AGK: variants seen among roughly 807,000 people sequenced by gnomAD.
AGK encodes the protein acylglycerol kinase, also known as acylglycerol kinase, mitochondrial.
Under a neutral mutation model 66.4 loss-of-function variants are expected in AGK, and 52 were observed. The ratio of observed to expected loss-of-function variants is 0.78; its 90% CI spans 0.63 to 0.99. AGK has a LOEUF of 0.99. Ranked by LOEUF, AGK falls within the 50% of genes least tolerant of loss-of-function variation. AGK has a pLI of 0.00. For synonymous variants in AGK, 182 were observed against 181.1 expected, an observed-to-expected ratio of 1.00 and a Z score of -0.04; for missense variants, 451 against 506.6, an observed-to-expected ratio of 0.89 and a Z score of 1.05.
chr7:141,560,253 CT>C (rs1165357576), intron 2 of AGK, among the ~76,000 whole-genome samples: 1 of 151,124 alleles, frequency 6.6e-6, no homozygotes, highest in Non-Finnish European at 1.5e-5. Flanking sequence ...GATACTTTTC[CT>C]TTTGTTGCCC....
At chr7:141,570,149 A>G (rs1051316691) in intron 2 of AGK, among the ~76,000 whole-genome samples, 4 of 152,134 alleles carry the variant, frequency 2.6e-5, no homozygotes, top group African/African-American at 9.7e-5. Flanking sequence ...ACACTTTGGG[A>G]GGCTGAGGCA....
intron 2 of AGK, among the ~76,000 whole-genome samples, chr7:141,558,422 C>G (rs560941315): frequency 3.0e-4 from 46 of 151,998 alleles, no homozygotes; most frequent in African/African-American, 1.0e-3. Context: ...GCCTTGGCCT[C>G]TGAAAGTGCT....
chr7:141,655,178 A>T lies in AGK; in HGVS notation c.*2254A>T, dbSNP rs1797666911. 6.6e-6 allele frequency: 1 copy of T among 152,270 alleles called. No individual in the cohort carries two copies. Among genetic ancestry groups the T allele is most frequent in the South Asian group, 2.1e-4 (1 of 4,836 alleles). The allele number at this position is 152,270 out of a possible 1,614,324, so 9.4% of individuals were successfully genotyped here. Reference sequence around the variant, plus strand: ...TCTAATCATAATGGTACATATAATTAGGGAAGGATATGGAAGCCACTTTAG... The same window carrying T: ...TCTAATCATAATGGTACATATAATTTGGGAAGGATATGGAAGCCACTTTAG... On this transcript the variant is annotated 3_prime_UTR_variant, in exon 16 of 16. Transcript: ENST00000649286.
At chr7:141,567,098 T>A (rs1406294314) in intron 2 of AGK, among the ~76,000 whole-genome samples, 1 of 152,172 alleles carries the variant, frequency 6.6e-6, no homozygotes, top group African/African-American at 2.4e-5. Flanking sequence ...CTTTTAGGTA[T>A]CTTTAGATAT....
At chr7:141,570,242 C>T (rs1325831213) in intron 2 of AGK, among the ~76,000 whole-genome samples, 3 of 152,054 alleles carry the variant, frequency 2.0e-5, no homozygotes, top group Non-Finnish European at 4.4e-5. Flanking sequence ...AACAAATTAG[C>T]TGGGCATGGT....
chr7:141,625,954 T>C (rs989805027), intron 9 of AGK, among the ~76,000 whole-genome samples: 3 of 152,210 alleles, frequency 2.0e-5, no homozygotes, highest in African/African-American at 7.2e-5. Context: ...TATTGTGTAA[T>C]GTTTTCTTAC....
chr7:141,582,222 C>G (rs771199885), intron 2 of AGK, among the ~76,000 whole-genome samples: 8 of 151,986 alleles, frequency 5.3e-5, no homozygotes, highest in Non-Finnish European at 1.2e-4. Flanking sequence ...ATTCCTTGGC[C>G]CAGTGACCAG....
chr7:141,622,783 C>T lies in AGK; in HGVS notation c.588+982C>T, dbSNP rs147617005. On this transcript the variant is annotated intron_variant, in intron 9 of 15. Transcript: ENST00000649286. ...CAAAAGCTAGAGATGAGACCAGGTG[C>T]GGTGGCTCTTGCCTGTAATTCCAGC... 8.6e-4 allele frequency among the ~76,000 whole-genome samples: 131 copies of T among 152,194 alleles called. 1 individual carries two copies. The highest frequency in any genetic ancestry group is 3.0e-3 in the African/African-American group (125 of 41,522).
At chr7:141,626,971 A>G (rs1200562487) in intron 9 of AGK, among the ~76,000 whole-genome samples, 1 of 152,190 alleles carries the variant, frequency 6.6e-6, no homozygotes, top group Non-Finnish European at 1.5e-5. Context: ...ATTTAGTGGT[A>G]CAGGGTCATG....
intron 9 of AGK, among the ~76,000 whole-genome samples, chr7:141,633,147 G>A (rs552289100): frequency 2.8e-4 from 42 of 152,170 alleles, no homozygotes; most frequent in Non-Finnish European, 4.9e-4. Flanking sequence ...TCTCTTTAGA[G>A]TGTGGGGGCA....
chr7:141,552,887 C>G (rs1391536946), intron 1 of AGK, among the ~76,000 whole-genome samples: 1 of 152,122 alleles, frequency 6.6e-6, no homozygotes, highest in African/African-American at 2.4e-5. Context: ...ACTGTTAGAT[C>G]ATACCCCCTT....
At chr7:141,560,512 T>C (rs1283684372) in intron 2 of AGK, among the ~76,000 whole-genome samples, 1 of 152,004 alleles carries the variant, frequency 6.6e-6, no homozygotes, top group Non-Finnish European at 1.5e-5. Context: ...GGTTTGTGGT[T>C]ACATAGATAA....
chr7:141,590,430 G>A (rs1046788245), intron 2 of AGK, among the ~76,000 whole-genome samples: 4 of 152,176 alleles, frequency 2.6e-5, no homozygotes, highest in Admixed American at 1.3e-4. Context: ...GTCTACTAAA[G>A]GAAAGCATTG....
intron 2 of AGK, among the ~76,000 whole-genome samples, chr7:141,557,126 C>T (rs887862551): frequency 6.6e-6 from 1 of 152,108 alleles, no homozygotes; most frequent in Non-Finnish European, 1.5e-5. Context: ...TAGAAGTCTC[C>T]ACATTGGAAA....
intron 11 of AGK, among the ~76,000 whole-genome samples, chr7:141,638,241 A>G (rs1797215922): frequency 6.6e-6 from 1 of 152,166 alleles, no homozygotes; most frequent in Non-Finnish European, 1.5e-5. Flanking sequence ...GAGGAGGGGC[A>G]TCTAAATCTA....
At chr7:141,633,729 T>C (rs1356295238) in intron 9 of AGK, among the ~76,000 whole-genome samples, 172 bp from the exon 10 acceptor site, 2 of 152,222 alleles carry the variant, frequency 1.3e-5, no homozygotes, top group African/African-American at 2.4e-5. Flanking sequence ...GTGTGGCTTA[T>C]TCAAGTATTT....
chr7:141,577,698 C>T (rs2116889964), intron 2 of AGK, among the ~76,000 whole-genome samples: 1 of 152,196 alleles, frequency 6.6e-6, no homozygotes, highest in Non-Finnish European at 1.5e-5. Context: ...GAGGCTTCAC[C>T]CCAGTGTGCA....
At chr7:141,637,144 G>T in intron 11 of AGK, 127 bp downstream of exon 11, 3 of 675,944 alleles carry the variant, frequency 4.4e-6, no homozygotes, top group South Asian at 2.2e-5. Context: ...ACTAAAACAG[G>T]GCATGTTTGA....
At chr7:141,565,388 C>G (rs546070306) in intron 2 of AGK, among the ~76,000 whole-genome samples, 6 of 152,142 alleles carry the variant, frequency 3.9e-5, no homozygotes, top group Non-Finnish European at 8.8e-5. Context: ...TGGTGGCTCA[C>G]ACCTGTAATC....
Sources: allele counts gnomAD v4.1 joint callset (sites outside exome capture counted in the v4.1 genomes callset), GRCh38; gene constraint gnomAD v4.1.1; transcripts MANE v1.5; gene names NCBI Gene and HGNC (gene_info 2026-07-23, HGNC 2026-07-21).